Variants in CDHR3 observed in about 807,000 individuals in gnomAD.
The protein encoded by CDHR3 is cadherin-related family member 3.
Under a neutral mutation model 86.6 loss-of-function variants are expected in CDHR3, and 79 were observed. That is an observed-to-expected ratio of 0.91 (90% confidence interval 0.76 to 1.10). CDHR3 has a LOEUF of 1.10. CDHR3 is among the 50% of genes least tolerant of loss of function. The pLI is 0.00. For synonymous variants in CDHR3, 421 were observed against 402.4 expected, an observed-to-expected ratio of 1.05 and a Z score of -0.55; for missense variants, 1,081 against 1,077.6, an observed-to-expected ratio of 1.00 and a Z score of -0.04.
At chr7:105,997,848 G>A (rs1243380672) in intron 6 of CDHR3, among the ~76,000 whole-genome samples, 4 of 152,118 alleles carry the variant, frequency 2.6e-5, no homozygotes, top group Admixed American at 2.6e-4. Context: ...TGCACCCAGA[G>A]GTCAGCCTGG....
intron 2 of CDHR3, among the ~76,000 whole-genome samples, chr7:105,978,330 G>A (rs1829136917): frequency 1.3e-5 from 2 of 152,196 alleles, no homozygotes; most frequent in African/African-American, 4.8e-5. Flanking sequence ...GCTCTCTGAA[G>A]TCCTGTGGAG....
chr7:105,983,026 C>T (rs1030601763), intron 3 of CDHR3, among the ~76,000 whole-genome samples: 3 of 151,878 alleles, frequency 2.0e-5, no homozygotes, highest in African/African-American at 7.3e-5. Flanking sequence ...TCATGTCCTT[C>T]CCCGCTACAG....
intron 8 of CDHR3, among the ~76,000 whole-genome samples, chr7:106,005,947 T>C (rs1833889460): frequency 6.6e-6 from 1 of 152,212 alleles, no homozygotes; most frequent in Admixed American, 6.5e-5. Flanking sequence ...GTTTTCATGC[T>C]GCTGATAAAG....
chr7:106,019,567 G>A (rs780911027), intron 12 of CDHR3, among the ~76,000 whole-genome samples: 1 of 152,164 alleles, frequency 6.6e-6, no homozygotes, highest in Non-Finnish European at 1.5e-5. Flanking sequence ...GATCACACAA[G>A]TCCCTTTCAG....
chr7:105,969,362 T>C (rs1488342953), intron 1 of CDHR3, among the ~76,000 whole-genome samples: 2 of 127,034 alleles, frequency 1.6e-5, no homozygotes, highest in South Asian at 2.6e-4. Flanking sequence ...ATTGCGCCAC[T>C]GCACTCCAGC....
chr7:105,988,086 G>A (rs971671277), intron 4 of CDHR3, among the ~76,000 whole-genome samples: 8 of 152,138 alleles, frequency 5.3e-5, no homozygotes, highest in South Asian at 2.1e-4. Context: ...ATAGGGTTTC[G>A]CTATGTTGCC....
At chr7:106,020,838 C>A (rs144313533) in intron 13 of CDHR3, among the ~76,000 whole-genome samples, 2 of 152,080 alleles carry the variant, frequency 1.3e-5, no homozygotes, top group Admixed American at 6.5e-5. Flanking sequence ...ATCTAGCAGC[C>A]CCTATGCTTC....
chr7:105,974,803 G>T, intron 1 of CDHR3, 41 bp from the exon 2 acceptor site: 1 of 1,545,562 alleles, frequency 6.5e-7, no homozygotes, highest in Non-Finnish European at 8.9e-7. Flanking sequence ...CCAGCAAAAG[G>T]CTTTGTGTTC....
At chr7:105,980,387 G>A (rs879929979) in intron 2 of CDHR3, among the ~76,000 whole-genome samples, 1 of 151,878 alleles carries the variant, frequency 6.6e-6, no homozygotes, top group Non-Finnish European at 1.5e-5. Context: ...ATATAGATGT[G>A]CATGTATACA....
intron 4 of CDHR3, among the ~76,000 whole-genome samples, chr7:105,988,437 A>T (rs13223180): frequency 0.093 from 14,217 of 152,222 alleles, 808 homozygotes; most frequent in South Asian, 0.2. Context: ...TGTGTCTGTC[A>T]TCTTAACCTG....
intron 17 of CDHR3, among the ~76,000 whole-genome samples, chr7:106,028,922 TTCTTTCTTTCTTTCTTTC>T (rs1837819623): frequency 1.2e-5 from 1 of 84,710 alleles, no homozygotes; most frequent in African/African-American, 5.0e-5. Context: ...TAAATTTTCT[TTCTTTCTTTCTTTCTTTC>T]TTTCTTTCTT....
intron 1 of CDHR3, among the ~76,000 whole-genome samples, chr7:105,974,332 A>G (rs1828441883): frequency 1.3e-5 from 2 of 152,152 alleles, no homozygotes; most frequent in African/African-American, 4.8e-5. Flanking sequence ...TGTCCTTGAG[A>G]TTACTAATGG....
At chr7:106,011,797 C>T (rs1035627507) in intron 8 of CDHR3, among the ~76,000 whole-genome samples, 5 of 152,220 alleles carry the variant, frequency 3.3e-5, no homozygotes, top group Non-Finnish European at 7.3e-5. Context: ...TGGGCTTGAT[C>T]GGAAGGCTCT....
Position 106,024,426 on chromosome 7 carries a change from T to G in CDHR3, c.2122T>G (p.Ser708Ala). 6.2e-7 allele frequency: 1 copy of G among 1,614,012 alleles called. No homozygotes were observed. Among genetic ancestry groups the G allele is most frequent in the Non-Finnish European group, 8.5e-7 (1 of 1,179,888 alleles). ...CCTGAGGAAAAACGTTTACTCTCCATCTGCATGGTACGTGCCGTTTGTCAT... is the reference window on the plus strand; with the variant it reads ...CCTGAGGAAAAACGTTTACTCTCCAGCTGCATGGTACGTGCCGTTTGTCAT... ...QVLRKNVYSPSAWYVPFVITL... is the reference protein window; with the variant it reads ...QVLRKNVYSPAAWYVPFVITL... Residue 708 changes from serine to alanine, a missense_variant, in exon 15 of 19, where the codon TCT becomes GCT. Coordinates refer to ENST00000317716, the MANE Select transcript of CDHR3 (RefSeq NM_152750.5).
chr7:106,020,662 A>G (rs867177794), intron 13 of CDHR3, 118 bp downstream of exon 13: 13 of 1,192,646 alleles, frequency 1.1e-5, no homozygotes, highest in African/African-American at 1.5e-5. Flanking sequence ...TTGGGAGGGC[A>G]TTATTTTTTT....
intron 6 of CDHR3, 134 bp downstream of exon 6, chr7:105,996,488 G>A (rs1269565450): frequency 1.1e-5 from 6 of 558,698 alleles, no homozygotes; most frequent in Non-Finnish European, 1.6e-5. Context: ...TTAGAGGCAC[G>A]TGCTCTTCAG....
chr7:105,991,153 T>A (rs1318268484), intron 4 of CDHR3, among the ~76,000 whole-genome samples: 1 of 152,210 alleles, frequency 6.6e-6, no homozygotes, highest in Non-Finnish European at 1.5e-5. Flanking sequence ...TTTCATTCTA[T>A]TTAATTTCTG....
At position 106,001,234 on chromosome 7, in the gene CDHR3, T is replaced by A. The variant is rs557906109; in HGVS notation, c.714-228T>A. On this transcript the variant is annotated intron_variant, in intron 6 of 18. Transcript: ENST00000317716. ...AGTCAGAGACTGTGGCCCATGTAAATTGTTGCAATGACAGCGTGGTACTTT... is the reference window on the plus strand; with the variant it reads ...AGTCAGAGACTGTGGCCCATGTAAAATGTTGCAATGACAGCGTGGTACTTT... Among the ~76,000 whole-genome samples the A allele has an allele frequency of 4.6e-5, 7 of 152,252 alleles. No individual in the cohort carries two copies. The East Asian group carries it at 1.4e-3, about 29-fold the overall frequency.
At position 106,032,464 on chromosome 7, in the gene CDHR3, C is replaced by G; in HGVS notation, c.2425C>G (p.Pro809Ala). ...GTGGAAAGATCCACTAACCCAAATG[C>G]CAAAATGGAAAGAGTCCAGCCACCA... ...RKWKDPLTQMPKWKESSHQGA... is the reference protein window; with the variant it reads ...RKWKDPLTQMAKWKESSHQGA... Residue 809 changes from proline to alanine, a missense_variant, in exon 19 of 19, where the codon CCA (proline) becomes GCA (alanine). Pro to Ala is a conservative substitution (Grantham distance 27). Transcript: ENST00000317716. 3 of 1,613,754 alleles carry G rather than the reference C, an allele frequency of 1.9e-6. No individual in the cohort carries two copies. Among genetic ancestry groups the G allele is most frequent in the Non-Finnish European group, 2.5e-6 (3 of 1,179,816 alleles).
Sources: allele counts gnomAD v4.1 joint callset (sites outside exome capture counted in the v4.1 genomes callset), GRCh38; gene constraint gnomAD v4.1.1; transcripts MANE v1.5; gene names NCBI Gene and HGNC (gene_info 2026-07-23, HGNC 2026-07-21).